The following THSD7B variants were observed in gnomAD, a reference collection of about 807,000 sequenced individuals.
The protein encoded by THSD7B is thrombospondin type 1 domain containing 7B.
In THSD7B, 138 loss-of-function variants were observed where a neutral mutation model predicts 213.6. The ratio of observed to expected loss-of-function variants is 0.65; its 90% CI spans 0.56 to 0.74. The LOEUF (loss-of-function observed/expected upper bound fraction) is 0.74. Ranked by LOEUF, THSD7B falls within the 30% of genes least tolerant of loss-of-function variation. The pLI is 0.00. For missense variants in THSD7B, 1,931 were observed against 1,991.5 expected (o/e 0.97, Z 0.58); for synonymous variants, 742 against 687.0 (o/e 1.08, Z -1.25).
intron 14 of THSD7B, among the ~76,000 whole-genome samples, chr2:137,439,519 A>T (rs1278691330): frequency 1.1e-5 from 1 of 90,538 alleles, no homozygotes; most frequent in Non-Finnish European, 2.8e-5. Context: ...TGCAGACAAC[A>T]GAAGTCTAAA....
intron 12 of THSD7B, among the ~76,000 whole-genome samples, chr2:137,389,528 T>C (rs1248684011): frequency 6.7e-6 from 1 of 149,906 alleles, no homozygotes; most frequent in Non-Finnish European, 1.5e-5. Flanking sequence ...GGCTGTCTCT[T>C]CACTCTTGAT....
At chr2:137,459,689 A>G (rs1687844897) in intron 15 of THSD7B, among the ~76,000 whole-genome samples, 1 of 152,014 alleles carries the variant, frequency 6.6e-6, no homozygotes, top group Non-Finnish European at 1.5e-5. Flanking sequence ...AAGATTCAAG[A>G]TAAAAATAAT....
At chr2:137,346,105 A>G (rs1442794285) in intron 12 of THSD7B, among the ~76,000 whole-genome samples, 1 of 151,598 alleles carries the variant, frequency 6.6e-6, no homozygotes, top group East Asian at 1.9e-4. Context: ...GGTAAAAAGC[A>G]CTTAACATAA....
chr2:137,593,963 G>A (rs1157674313), intron 17 of THSD7B, among the ~76,000 whole-genome samples: 1 of 151,912 alleles, frequency 6.6e-6, no homozygotes, highest in Non-Finnish European at 1.5e-5. Flanking sequence ...AATGGTTTAG[G>A]AATATTTTAG....
chr2:136,997,755 G>A lies in THSD7B; in HGVS notation c.140-58665G>A, dbSNP rs147796279. Among the ~76,000 whole-genome samples the A allele has an allele frequency of 5.9e-5, 9 of 152,218 alleles. No homozygotes were observed. In the East Asian group the frequency reaches 1.7e-3, roughly 29 times the overall value. On this transcript the variant is annotated intron_variant, in intron 2 of 27. Transcript: ENST00000409968. ...AGAGGGAATGAGTTAATGACTCCTT[G>A]CCTAGTCTGGTTGATTTATGTCATG...
intron 6 of THSD7B, among the ~76,000 whole-genome samples, chr2:137,160,894 T>C (rs1042425274): frequency 6.6e-6 from 1 of 152,198 alleles, no homozygotes; most frequent in Non-Finnish European, 1.5e-5. Flanking sequence ...AGTGCTGGGA[T>C]TACAGGCGTG....
intron 1 of THSD7B, among the ~76,000 whole-genome samples, chr2:136,770,776 A>G (rs1481090278): frequency 6.6e-6 from 1 of 152,212 alleles, no homozygotes; most frequent in Non-Finnish European, 1.5e-5. Flanking sequence ...TCAAATGTTT[A>G]CATTTTAATT....
intron 2 of THSD7B, among the ~76,000 whole-genome samples, chr2:137,044,329 T>C (rs1573785940): frequency 6.6e-6 from 1 of 152,204 alleles, no homozygotes; most frequent in East Asian, 1.9e-4. Flanking sequence ...AATTAGTCTC[T>C]TTGTAAGGCT....
chr2:137,089,276 A>ATGTATATATACATATATATGTGTGTGTG (rs1558916482), intron 3 of THSD7B, among the ~76,000 whole-genome samples: 1 of 119,576 alleles, frequency 8.4e-6, no homozygotes. Flanking sequence ...GTGTGTGTGT[A>ATGTATATATACATATATATGTGTGTGTG]TATGTATATA....
chr2:137,641,317 C>G (rs1197269056), intron 20 of THSD7B, among the ~76,000 whole-genome samples: 1 of 152,186 alleles, frequency 6.6e-6, no homozygotes, highest in Non-Finnish European at 1.5e-5. Flanking sequence ...GGCGTACTCT[C>G]TCTGCACATC....
At chr2:137,041,250 G>C (rs1428512804) in intron 2 of THSD7B, among the ~76,000 whole-genome samples, 1 of 152,160 alleles carries the variant, frequency 6.6e-6, no homozygotes, top group East Asian at 1.9e-4. Context: ...CAAGGGGATA[G>C]TCACACATTT....
At chr2:137,672,588 A>G (rs1683601038) in intron 27 of THSD7B, among the ~76,000 whole-genome samples, 2 of 152,222 alleles carry the variant, frequency 1.3e-5, no homozygotes, top group Admixed American at 1.3e-4. Flanking sequence ...ACCCAAATAG[A>G]TATTTTCACA....
chr2:137,128,736 A>G (rs1688671738), intron 5 of THSD7B, among the ~76,000 whole-genome samples: 2 of 152,196 alleles, frequency 1.3e-5, no homozygotes, highest in Admixed American at 1.3e-4. Context: ...ATGTGCTTCT[A>G]AAACATGTAC....
At chr2:137,597,132 TACTA>T (rs1681976669) in intron 17 of THSD7B, among the ~76,000 whole-genome samples, 1 of 152,178 alleles carries the variant, frequency 6.6e-6, no homozygotes, top group African/African-American at 2.4e-5. Context: ...TACTGGAGTA[TACTA>T]ACTAATAAAA....
chr2:137,154,932 G>A (rs1304373261), intron 5 of THSD7B, among the ~76,000 whole-genome samples: 1 of 152,062 alleles, frequency 6.6e-6, no homozygotes, highest in Admixed American at 6.6e-5. Context: ...TCTGTTCATG[G>A]AGGAATTCAT....
chr2:137,089,551 A>T (rs914753009), intron 3 of THSD7B, among the ~76,000 whole-genome samples: 1 of 151,946 alleles, frequency 6.6e-6, no homozygotes, highest in Non-Finnish European at 1.5e-5. Flanking sequence ...AAGTCAAGTA[A>T]CTCAGGAATG....
chr2:136,890,541 C>CTTCTTCTTCTTCT (rs1553455915), intron 2 of THSD7B, among the ~76,000 whole-genome samples: 1 of 49,868 alleles, frequency 2.0e-5, no homozygotes, highest in African/African-American at 8.2e-5. Flanking sequence ...TCTTCTTCTT[C>CTTCTTCTTCTTCT]TTTTTTTTTT....
At chr2:137,328,626 C>G (rs1684424894) in intron 12 of THSD7B, among the ~76,000 whole-genome samples, 1 of 152,184 alleles carries the variant, frequency 6.6e-6, no homozygotes, top group Admixed American at 6.5e-5. Flanking sequence ...GTGAACCATT[C>G]CTTCCCAAAT....
At chr2:137,505,579 C>T (rs1679814981) in intron 15 of THSD7B, among the ~76,000 whole-genome samples, 1 of 152,200 alleles carries the variant, frequency 6.6e-6, no homozygotes, top group Non-Finnish European at 1.5e-5. Context: ...CATGCCTGGA[C>T]CAACATTCTG....
Sources: allele counts gnomAD v4.1 joint callset (sites outside exome capture counted in the v4.1 genomes callset), GRCh38; gene constraint gnomAD v4.1.1; transcripts MANE v1.5; gene names NCBI Gene and HGNC (gene_info 2026-07-23, HGNC 2026-07-21).